RUNX3: variants seen among roughly 807,000 people sequenced by gnomAD.
The protein encoded by RUNX3 is runt-related transcription factor 3.
A neutral mutation model predicts 27.7 loss-of-function variants in RUNX3; 10 were observed. The ratio of observed to expected loss-of-function variants is 0.36; its 90% CI spans 0.22 to 0.61. The LOEUF is 0.61. Ranked by LOEUF, RUNX3 falls within the 20% of genes least tolerant of loss-of-function variation. The pLI is 0.72. For synonymous variants in RUNX3, 270 were observed against 269.2 expected, an observed-to-expected ratio of 1.00 and a Z score of -0.03; for missense variants, 469 against 629.5, an observed-to-expected ratio of 0.75 and a Z score of 2.73.
At chr1:24,960,753 A>G (rs1642089409) in intron 2 of RUNX3, among the ~76,000 whole-genome samples, 1 of 152,142 alleles carries the variant, frequency 6.6e-6, no homozygotes, top group South Asian at 2.1e-4. Flanking sequence ...GGAACCGTGC[A>G]TGGGCAAGGG....
chr1:24,950,330 C>A (rs1641725782), intron 2 of RUNX3, among the ~76,000 whole-genome samples: 1 of 152,172 alleles, frequency 6.6e-6, no homozygotes, highest in Admixed American at 6.5e-5. Flanking sequence ...AGATTCCAAC[C>A]CCTTTCTCCT....
intron 2 of RUNX3, among the ~76,000 whole-genome samples, chr1:24,936,692 C>T (rs1641356316): frequency 6.6e-6 from 1 of 152,220 alleles, no homozygotes; most frequent in Non-Finnish European, 1.5e-5. Context: ...CCTCCTCTCC[C>T]CACTGCCCAC....
chr1:24,919,421 AC>A, intron 2 of RUNX3, 77 bp from the exon 3 acceptor site: 1 of 926,286 alleles, frequency 1.1e-6, no homozygotes, highest in South Asian at 1.4e-5. Context: ...ACCTGTATCT[AC>A]CCCTGGAAGC....
At chr1:24,949,756 C>T (rs1315878649) in intron 2 of RUNX3, among the ~76,000 whole-genome samples, 1 of 152,272 alleles carries the variant, frequency 6.6e-6, no homozygotes, top group Non-Finnish European at 1.5e-5. Flanking sequence ...CACCCACCAC[C>T]TCTGGCCTGC....
At chr1:24,960,949 T>G (rs1437721996) in intron 2 of RUNX3, among the ~76,000 whole-genome samples, 1 of 152,158 alleles carries the variant, frequency 6.6e-6, no homozygotes, top group Non-Finnish European at 1.5e-5. Context: ...GGGGCCCCTG[T>G]GCCCTCTCAC....
At chr1:24,944,682 G>C (rs2124345348) in intron 2 of RUNX3, among the ~76,000 whole-genome samples, 1 of 152,350 alleles carries the variant, frequency 6.6e-6, no homozygotes, top group South Asian at 2.1e-4. Flanking sequence ...GGGAACCTGA[G>C]AGATGGCAGC....
At position 24,905,021 on chromosome 1, in the gene RUNX3, T is replaced by C. The variant is rs1048394553; in HGVS notation, c.703+2238A>G. Among the ~76,000 whole-genome samples the C allele has an allele frequency of 5.3e-5, 8 of 152,032 alleles. No individual in the cohort carries two copies. The South Asian group carries it at 1.5e-3, about 28-fold the overall frequency. ...CCCTTTCAGCTGTGAGAAGCCCCCA[T>C]TGTGGGCGGCTGCGGCTGGGGGCTG... On this transcript the variant is annotated intron_variant, in intron 4 of 4. Coordinates refer to ENST00000308873, the MANE Select transcript of RUNX3 (RefSeq NM_004350.3).
At chr1:24,931,589 C>G (rs997839951), upstream of RUNX3, among the ~76,000 whole-genome samples, 1 of 152,242 alleles carries the variant, frequency 6.6e-6, no homozygotes, top group Admixed American at 6.5e-5. Flanking sequence ...GCCTCCGGCT[C>G]TCGACAGGTG....
At position 24,937,429 on chromosome 1, in the gene RUNX3, A is replaced by G. The variant is rs796463595; in HGVS notation, c.59-7577T>C. Among the ~76,000 whole-genome samples, 16 of 152,352 alleles carry G rather than the reference A, an allele frequency of 1.1e-4. 1 individual carries two copies. The highest frequency in any genetic ancestry group is 3.8e-4 in the African/African-American group (16 of 41,572). On this transcript the variant is annotated intron_variant, in intron 2 of 6. Coordinates refer to the RUNX3 transcript ENST00000338888. ...TGTCACGTCTCTCCTGGCCCCTGCC[A>G]TGTACCCAATCCCGGGGAGTAGGGT...
At chr1:24,958,712 C>T (rs549558336) in intron 2 of RUNX3, among the ~76,000 whole-genome samples, 1 of 152,206 alleles carries the variant, frequency 6.6e-6, no homozygotes, top group Non-Finnish European at 1.5e-5. Flanking sequence ...TTTACTTCCA[C>T]TAAGCAAGGT....
rs1180658538 is a variant in RUNX3, at chr1:24,962,582, G to T, written c.58+1932C>A. On this transcript the variant is annotated intron_variant, in intron 2 of 6. Transcript: ENST00000338888. The surrounding 1 kb of genome is among the most constrained non-coding windows in gnomAD (Gnocchi z 4.5). ...AATGAACAGGAGAGAGAAGGCTGAA[G>T]AGGGGAGACAGGTCTCCACAAAAGT... 2.6e-5 allele frequency among the ~76,000 whole-genome samples: 4 copies of T among 152,230 alleles called. No homozygotes were observed. The highest frequency in any genetic ancestry group is 2.6e-4 in the Admixed American group (4 of 15,288).
intron 2 of RUNX3, among the ~76,000 whole-genome samples, chr1:24,938,261 C>T (rs1238366821): frequency 6.6e-6 from 1 of 152,190 alleles, no homozygotes; most frequent in African/African-American, 2.4e-5. Context: ...TGCATTGGAC[C>T]ACACCTGAGC....
intron 3 of RUNX3, among the ~76,000 whole-genome samples, chr1:24,910,145 C>A (rs778155936): frequency 6.6e-6 from 1 of 151,996 alleles, no homozygotes; most frequent in Non-Finnish European, 1.5e-5. Context: ...AAAAATTAGC[C>A]GGGCGTGGTG....
intron 2 of RUNX3, among the ~76,000 whole-genome samples, chr1:24,952,994 A>AT (rs768700297): frequency 1.3e-5 from 2 of 152,064 alleles, no homozygotes; most frequent in Non-Finnish European, 2.9e-5. Context: ...AAAACTTAAA[A>AT]TTTTTACTAT....
chr1:24,955,097 C>G (rs933989311), intron 2 of RUNX3, among the ~76,000 whole-genome samples: 1 of 152,192 alleles, frequency 6.6e-6, no homozygotes, highest in Non-Finnish European at 1.5e-5. Flanking sequence ...GCTGTTCACT[C>G]TGCTTGTACC....
chr1:24,927,872 A>T lies in RUNX3; in HGVS notation c.283-142T>A. On this transcript the variant is annotated intron_variant, in intron 1 of 4. Transcript: ENST00000308873. The surrounding 1 kb of genome is among the most constrained non-coding windows in gnomAD (Gnocchi z 5.0). The stretch of plus-strand genomic sequence containing the variant: ...ATTTCTCCAATGCAGGGTGGAGAAG[A>T]GGCTTAAAAACAATAAAGACCTTCC... 1 of 679,212 alleles carries T rather than the reference A, an allele frequency of 1.5e-6. No homozygotes were observed. The highest frequency in any genetic ancestry group is 2.5e-6 in the Non-Finnish European group (1 of 395,706). 42.1% of individuals were successfully genotyped at this position (679,212 alleles called of 1,614,324 possible). A position where few individuals can be genotyped will look rare whatever the true frequency, so the allele number is the denominator to read the frequency against.
At chr1:24,930,284 C>T, upstream of RUNX3, 1 of 977,414 alleles carries the variant, frequency 1.0e-6, no homozygotes, top group Non-Finnish European at 1.2e-6. This position sits in a 1 kb window ranked among gnomAD's most constrained non-coding sequence, Gnocchi z 4.1. Flanking sequence ...GGCGGGGCCG[C>T]GGCCGCCCGC....
chr1:24,936,377 A>G (rs1641350815), intron 2 of RUNX3, among the ~76,000 whole-genome samples: 1 of 152,220 alleles, frequency 6.6e-6, no homozygotes, highest in Admixed American at 6.5e-5. Flanking sequence ...GCCTGGCCCC[A>G]GAGCCCATGT....
chr1:24,947,134 C>T (rs1281947908), intron 2 of RUNX3, among the ~76,000 whole-genome samples: 4 of 152,192 alleles, frequency 2.6e-5, no homozygotes, highest in Admixed American at 1.3e-4. Flanking sequence ...GGCTGTCTCC[C>T]ATCTTACAGG....
Sources: gnomAD v4.1 joint callset for allele counts (sites outside exome capture counted in the v4.1 genomes callset) on GRCh38, gnomAD v4.1.1 for gene constraint, Gnocchi (gnomAD v3.1) non-coding constraint, MANE v1.5 for transcripts, NCBI Gene and HGNC (gene_info 2026-07-23, HGNC 2026-07-21) for gene names.